EPHB2: variants seen among roughly 807,000 people sequenced by gnomAD.
EPHB2 encodes ephrin type-B receptor 2.
Under a neutral mutation model 96.4 loss-of-function variants are expected in EPHB2, and 18 were observed. The ratio of observed to expected loss-of-function variants is 0.19; its 90% CI spans 0.13 to 0.28. The LOEUF is 0.28. EPHB2 is among the 10% of genes least tolerant of loss of function. The pLI is 1.00. For synonymous variants in EPHB2, 506 were observed against 534.1 expected (o/e 0.95, Z 0.72); for missense variants, 989 against 1,355.4 (o/e 0.73, Z 4.25).
At chr1:22,902,952 G>T (rs1639797578) in intron 9 of EPHB2, among the ~76,000 whole-genome samples, 2 of 152,216 alleles carry the variant, frequency 1.3e-5, no homozygotes, top group South Asian at 4.1e-4. Flanking sequence ...GAGTGTTCCA[G>T]GTAGAGAGCA....
intron 3 of EPHB2, among the ~76,000 whole-genome samples, chr1:22,853,078 C>T (rs1233169429): frequency 1.3e-5 from 2 of 152,220 alleles, no homozygotes; most frequent in African/African-American, 4.8e-5. Flanking sequence ...CGGCCGGGCA[C>T]GGTGGCTCAT....
rs530840327 is a variant in EPHB2, at chr1:22,763,539, C to A, written c.62-17882C>A. 2.2e-3 allele frequency among the ~76,000 whole-genome samples: 337 copies of A among 152,188 alleles called. 2 individuals are homozygous for A. The highest frequency in any genetic ancestry group is 3.7e-3 in the Non-Finnish European group (249 of 68,012). ...AACTAAAGTGGCCAGGCCCTCCCCC[C>A]CACTTCAAATGCCCTTCAGCAGAGG... On this transcript the variant is annotated intron_variant, in intron 1 of 15. Coordinates refer to ENST00000374630, the MANE Select transcript of EPHB2 (RefSeq NM_017449.5).
intron 1 of EPHB2, among the ~76,000 whole-genome samples, chr1:22,739,198 G>A (rs1643874653): frequency 1.3e-5 from 2 of 151,752 alleles, no homozygotes; most frequent in Admixed American, 1.3e-4. Flanking sequence ...TTGCCACCAT[G>A]TCCAACTAAT....
At chr1:22,810,979 T>C (rs1288577460) in intron 3 of EPHB2, among the ~76,000 whole-genome samples, 1 of 152,146 alleles carries the variant, frequency 6.6e-6, no homozygotes, top group East Asian at 1.9e-4. Context: ...CCCTGCCCCT[T>C]GGAGTGAGGT....
Position 22,761,480 on chromosome 1 carries a change from G to A in EPHB2, c.62-19941G>A, listed in dbSNP as rs889847782. On this transcript the variant is annotated intron_variant, in intron 1 of 15. Transcript: ENST00000374630. Reference sequence around the variant, plus strand: ...TCTGGCTGGGAACTATTTGGAGAGGGGTGAGAATAAGCATTGGAGCCATGT... The same window carrying A: ...TCTGGCTGGGAACTATTTGGAGAGGAGTGAGAATAAGCATTGGAGCCATGT... Among the ~76,000 whole-genome samples, 5 of 152,212 alleles carry A rather than the reference G, an allele frequency of 3.3e-5. No individual in the cohort carries two copies. In the East Asian group the frequency reaches 9.6e-4, roughly 29 times the overall value.
intron 9 of EPHB2, among the ~76,000 whole-genome samples, chr1:22,905,239 A>G (rs1308466364): frequency 2.6e-5 from 4 of 152,224 alleles, no homozygotes; most frequent in Non-Finnish European, 5.9e-5. Flanking sequence ...ACAAAAAATA[A>G]TAATAATAAT....
At chr1:22,883,529 A>G (rs1306593613) in intron 6 of EPHB2, among the ~76,000 whole-genome samples, 2 of 152,238 alleles carry the variant, frequency 1.3e-5, no homozygotes, top group African/African-American at 2.4e-5. Context: ...CTAGGTGTCA[A>G]TGACTGACAG....
chr1:22,897,712 G>A (rs1313662411), intron 9 of EPHB2, among the ~76,000 whole-genome samples: 14 of 152,214 alleles, frequency 9.2e-5, no homozygotes, highest in East Asian at 5.8e-4. Context: ...GCTTGAACCC[G>A]GGAAGCAGAG....
chr1:22,726,100 G>A (rs1381723244), intron 1 of EPHB2, among the ~76,000 whole-genome samples: 2 of 152,276 alleles, frequency 1.3e-5, no homozygotes, highest in East Asian at 3.9e-4. Context: ...AAGACTCTAG[G>A]ATGCTAGGGG....
intron 3 of EPHB2, chr1:22,836,584 C>T (rs1444224427): frequency 6.6e-6 from 1 of 152,282 alleles, no homozygotes; most frequent in Non-Finnish European, 1.5e-5. Flanking sequence ...TTGAACTTGA[C>T]CTTCTGGGGG....
intron 3 of EPHB2, among the ~76,000 whole-genome samples, chr1:22,839,175 C>T (rs1209882535): frequency 6.6e-6 from 1 of 152,178 alleles, no homozygotes; most frequent in Non-Finnish European, 1.5e-5. Flanking sequence ...CGATGCTCTT[C>T]CTGCCAACCC....
In EPHB2 at chr1:22,723,940, A is replaced by G. The variant is rs553343843; in HGVS notation, c.61+12897A>G. 1.2e-4 allele frequency among the ~76,000 whole-genome samples: 19 copies of G among 152,342 alleles called. No individual in the cohort carries two copies. In the South Asian group the frequency reaches 3.5e-3, roughly 28 times the overall value. ...TAAGGAGCAGGCACTGGGCTTAGGT[A>G]TTATTGTTAGCTGAATCCTACAGAT... On this transcript the variant is annotated intron_variant, in intron 1 of 15. Transcript: ENST00000374630.
chr1:22,760,842 G>A (rs1002804737), intron 1 of EPHB2, among the ~76,000 whole-genome samples: 2 of 152,162 alleles, frequency 1.3e-5, no homozygotes, highest in African/African-American at 4.8e-5. Flanking sequence ...TGTGTCTCGG[G>A]TAGGTATAAG....
rs1401014188 is a variant in EPHB2, at chr1:22,790,567, G to C, written c.811+5491G>C. Reference sequence around the variant, plus strand: ...CCCCTGCCCCAGTTTCTCCAAGCCTGCCTGTCTCCAGATCCCTGTTCTCCT... The same window carrying C: ...CCCCTGCCCCAGTTTCTCCAAGCCTCCCTGTCTCCAGATCCCTGTTCTCCT... On this transcript the variant is annotated intron_variant, in intron 3 of 15. Transcript: ENST00000374630. This position sits in a 1 kb window ranked among gnomAD's most constrained non-coding sequence, Gnocchi z 4.0. Among the ~76,000 whole-genome samples, 1 of 152,166 alleles carries C rather than the reference G, an allele frequency of 6.6e-6. No homozygotes were observed. Among genetic ancestry groups the C allele is most frequent in the African/African-American group, 2.4e-5 (1 of 41,450 alleles).
At position 22,864,995 on chromosome 1, in the gene EPHB2, C is replaced by T. The variant is rs1469602276; in HGVS notation, c.1086C>T (p.Cys362=). 6.2e-7 allele frequency: 1 copy of T among 1,610,298 alleles called. No homozygotes were observed. Among genetic ancestry groups the T allele is most frequent in the Non-Finnish European group, 8.5e-7 (1 of 1,177,144 alleles). The change falls in exon 5 of 16, where the codon TGC becomes TGT. Residue 362 remains cysteine (C), a synonymous_variant. Coordinates refer to ENST00000374630, the MANE Select transcript of EPHB2 (RefSeq NM_017449.5). ...AGGACCTCGTCTACAACATCATCTG[C>T]AAGAGCTGTGGCTCGGGCCGGGGTG... ...GREDLVYNII[C]KSCGSGRGAC...
At chr1:22,820,680 G>GA (rs987364172) in intron 3 of EPHB2, among the ~76,000 whole-genome samples, 6 of 151,762 alleles carry the variant, frequency 4.0e-5, no homozygotes, top group African/African-American at 1.2e-4. Context: ...TCAAAAAAAA[G>GA]AAAAAAAATT....
chr1:22,853,747 C>T (rs1442731160), intron 3 of EPHB2, among the ~76,000 whole-genome samples: 1 of 152,204 alleles, frequency 6.6e-6, no homozygotes, highest in East Asian at 1.9e-4. Flanking sequence ...TGACTGGGAG[C>T]ATGAGGGAGC....
At chr1:22,717,434 C>T (rs188836808) in intron 1 of EPHB2, among the ~76,000 whole-genome samples, 124 of 152,254 alleles carry the variant, frequency 8.1e-4, no homozygotes, top group African/African-American at 2.9e-3. Context: ...CCTAGGACAC[C>T]CTCACTAGGT....
chr1:22,906,163 C>T lies in EPHB2; in HGVS notation c.1888+54C>T, dbSNP rs1307746456. On this transcript the variant is annotated intron_variant, in intron 10 of 15. Transcript: ENST00000374630. The surrounding 1 kb of genome is among the most constrained non-coding windows in gnomAD (Gnocchi z 4.8). ...ATGACCTTAGCCATGGCTGGTGAGA[C>T]CACCCCAATGTATACCCTTGGGGCA... The T allele has an allele frequency of 1.8e-5, 29 of 1,613,268 alleles. No homozygotes were observed. The highest frequency in any genetic ancestry group is 2.5e-5 in the Non-Finnish European group (29 of 1,179,822).
Sources: gnomAD v4.1 joint callset for allele counts (sites outside exome capture counted in the v4.1 genomes callset) on GRCh38, gnomAD v4.1.1 for gene constraint, Gnocchi (gnomAD v3.1) non-coding constraint, MANE v1.5 for transcripts, NCBI Gene and HGNC (gene_info 2026-07-23, HGNC 2026-07-21) for gene names.